THBS4: variants seen among roughly 807,000 people sequenced by gnomAD.
THBS4 encodes the protein thrombospondin 4.
A neutral mutation model predicts 115.7 loss-of-function variants in THBS4; 90 were observed. The observed-to-expected ratio is 0.78, with a 90% CI of 0.66 to 0.93. THBS4 has a LOEUF of 0.93. THBS4 is among the 40% of genes least tolerant of loss of function. THBS4 has a pLI of 0.00. For missense variants in THBS4, 1,087 were observed against 1,232.7 expected, an observed-to-expected ratio of 0.88 and a Z score of 1.77; for synonymous variants, 460 against 479.3, an observed-to-expected ratio of 0.96 and a Z score of 0.53.
chr5:80,036,587 C>T (rs1010792117), intron 1 of THBS4, among the ~76,000 whole-genome samples: 1 of 152,152 alleles, frequency 6.6e-6, no homozygotes, highest in East Asian at 1.9e-4. Context: ...TGAAAAGATA[C>T]TTGGACAATC....
chr5:80,070,260 T>C, intron 10 of THBS4, 46 bp from the exon 11 acceptor site: 2 of 1,505,160 alleles, frequency 1.3e-6, no homozygotes, highest in South Asian at 2.7e-5. Flanking sequence ...ACCAGCTTCC[T>C]GCCAGGCTCA....
At chr5:80,080,333 T>TG in intron 20 of THBS4, 1 of 434,422 alleles carries the variant, frequency 2.3e-6, no homozygotes, top group South Asian at 3.1e-5. Context: ...CCCAGCGTTG[T>TG]GGGGTTGGTG....
chr5:80,031,449 G>C (rs183800959), upstream of THBS4, among the ~76,000 whole-genome samples: 4 of 152,314 alleles, frequency 2.6e-5, no homozygotes, highest in Admixed American at 1.3e-4. Flanking sequence ...TAGTATATCA[G>C]TTCTCTATTG....
chr5:80,056,432 A>C (rs1199379326), intron 3 of THBS4, among the ~76,000 whole-genome samples: 1 of 152,244 alleles, frequency 6.6e-6, no homozygotes, highest in Non-Finnish European at 1.5e-5. Flanking sequence ...TATAATGAAA[A>C]TAAAAAAGAA....
At chr5:80,048,013 G>A (rs1398584768) in intron 2 of THBS4, among the ~76,000 whole-genome samples, 1 of 152,092 alleles carries the variant, frequency 6.6e-6, no homozygotes, top group East Asian at 1.9e-4. Flanking sequence ...TACTCAGGAG[G>A]CTGTGGCAGG....
chr5:80,006,014 C>A (rs368461961), intron 2 of THBS4, among the ~76,000 whole-genome samples: 1 of 152,208 alleles, frequency 6.6e-6, no homozygotes, highest in South Asian at 2.1e-4. Flanking sequence ...ATCCACTTTC[C>A]TCAGCCTCCC....
chr5:80,009,145 A>G (rs752969466), intron 2 of THBS4, among the ~76,000 whole-genome samples: 26 of 152,180 alleles, frequency 1.7e-4, no homozygotes, highest in Admixed American at 4.6e-4. Flanking sequence ...GGTTCCCAAT[A>G]TAGACTTCAT....
At chr5:80,079,834 C>A in intron 19 of THBS4, 71 bp from the exon 20 acceptor site, 2 of 1,483,294 alleles carry the variant, frequency 1.3e-6, no homozygotes, top group Non-Finnish European at 1.9e-6. Context: ...TGGATCATCA[C>A]TTCAGATCCA....
At chr5:80,001,306 G>A (rs1831894170) in intron 2 of THBS4, among the ~76,000 whole-genome samples, 1 of 152,234 alleles carries the variant, frequency 6.6e-6, no homozygotes, top group Admixed American at 6.5e-5. Flanking sequence ...AGAACCGGCA[G>A]TGGCATTTAT....
chr5:80,036,933 A>G (rs1157231643), intron 1 of THBS4, among the ~76,000 whole-genome samples: 1 of 152,202 alleles, frequency 6.6e-6, no homozygotes, highest in Non-Finnish European at 1.5e-5. Flanking sequence ...ATTTCGCCAA[A>G]TAACTCATTT....
chr5:80,052,981 T>C (rs2112075335), intron 2 of THBS4: 1 of 152,264 alleles, frequency 6.6e-6, no homozygotes, highest in African/African-American at 2.4e-5. Flanking sequence ...ATATGTGTAA[T>C]ATATATCTTT....
intron 15 of THBS4, chr5:80,074,170 C>CCAT (rs1743070683): frequency 1.3e-5 from 2 of 152,174 alleles, no homozygotes; most frequent in Admixed American, 1.3e-4. Context: ...GAAAACTTCA[C>CCAT]CATCATCCCA....
chr5:80,009,384 T>C (rs1027205197), intron 2 of THBS4, among the ~76,000 whole-genome samples: 2 of 152,258 alleles, frequency 1.3e-5, no homozygotes, highest in Non-Finnish European at 2.9e-5. Flanking sequence ...GCTAAAGTGT[T>C]GTTCCTTCTA....
In THBS4 at chr5:80,064,622, C is replaced by T. The variant is rs868177045; in HGVS notation, c.1126-787C>T. ...GGTGCATGCCTGTGGTCCCAGCAAC[C>T]TTGGGAGGTTGAGGTGGGAGGATCA... On this transcript the variant is annotated intron_variant, in intron 8 of 21. Coordinates refer to ENST00000350881, the MANE Select transcript of THBS4 (RefSeq NM_003248.6). Among the ~76,000 whole-genome samples, 4 of 152,170 alleles carry T rather than the reference C, an allele frequency of 2.6e-5. No homozygotes were observed. The South Asian group carries it at 8.3e-4, about 32-fold the overall frequency.
intron 2 of THBS4, among the ~76,000 whole-genome samples, chr5:80,029,862 C>A (rs1008423652): frequency 6.6e-6 from 1 of 151,602 alleles, no homozygotes; most frequent in South Asian, 2.1e-4. Flanking sequence ...CCCAGCTACT[C>A]GGGAGGCTGA....
At chr5:80,038,962 G>A (rs565934334) in intron 1 of THBS4, among the ~76,000 whole-genome samples, 6 of 152,262 alleles carry the variant, frequency 3.9e-5, no homozygotes, top group South Asian at 2.1e-4. Context: ...AAAACAATAC[G>A]TTATTGTTTA....
intron 1 of THBS4, among the ~76,000 whole-genome samples, chr5:79,995,998 G>A (rs1417739125): frequency 6.6e-6 from 1 of 151,286 alleles, no homozygotes; most frequent in Non-Finnish European, 1.5e-5. Context: ...TTAGCTGGAT[G>A]TGGTGGCGCA....
chr5:80,000,189 A>G (rs1831869278), intron 2 of THBS4, among the ~76,000 whole-genome samples: 1 of 152,182 alleles, frequency 6.6e-6, no homozygotes, highest in African/African-American at 2.4e-5. Context: ...AAAGCTGCAT[A>G]CTCATTTTTA....
rs200008693 is a variant in THBS4, at chr5:80,071,056, G to A, written c.1596G>A (p.Arg532=). 292 of 1,613,278 alleles carry A rather than the reference G, an allele frequency of 1.8e-4. No homozygotes were observed. The highest frequency in any genetic ancestry group is 2.0e-4 in the Admixed American group (12 of 59,762). The change falls in exon 13 of 22, where the codon AGG becomes AGA. Residue 532 remains arginine (R), a synonymous_variant. Coordinates refer to ENST00000350881, the MANE Select transcript of THBS4 (RefSeq NM_003248.6). The part of the protein sequence containing the change: ...NCVLIHNVDQ[R]NSDKDIFGDA... ...TCCTGATTCATAATGTGGACCAAAG[G>A]AACAGCGATAAAGATATCTTTGGGG...
Sources: gnomAD v4.1 joint callset for allele counts (sites outside exome capture counted in the v4.1 genomes callset) on GRCh38, gnomAD v4.1.1 for gene constraint, MANE v1.5 for transcripts, NCBI Gene and HGNC (gene_info 2026-07-23, HGNC 2026-07-21) for gene names.